Variants in FOXN3 observed in about 807,000 individuals in gnomAD.
The protein encoded by FOXN3 is forkhead box protein N3.
Under a neutral mutation model 38.4 loss-of-function variants are expected in FOXN3, and 7 were observed. The observed-to-expected ratio is 0.18, with a 90% CI of 0.10 to 0.34. The LOEUF (loss-of-function observed/expected upper bound fraction) is 0.34. Ranked by LOEUF, FOXN3 falls within the 10% of genes least tolerant of loss-of-function variation. The probability of loss-of-function intolerance (pLI) is 1.00; values close to 1 mark genes in which losing one functional copy is unlikely to be tolerated. For missense variants in FOXN3, 456 were observed against 613.4 expected (o/e 0.74, Z 2.71); for synonymous variants, 230 against 242.2 (o/e 0.95, Z 0.47).
intron 5 of FOXN3, among the ~76,000 whole-genome samples, chr14:89,170,931 G>A (rs1046411224): frequency 6.6e-5 from 10 of 151,786 alleles, no homozygotes; most frequent in African/African-American, 2.4e-4. Flanking sequence ...AGAAAGGCTT[G>A]AAATAAAAGT....
At chr14:89,170,056 T>C (rs1251982065) in intron 5 of FOXN3, among the ~76,000 whole-genome samples, 7 of 152,234 alleles carry the variant, frequency 4.6e-5, no homozygotes, top group Admixed American at 4.6e-4. Flanking sequence ...AGTTGTGCTA[T>C]GCTGGTATAG....
rs757557763 is a variant in FOXN3, at chr14:89,346,984, C to T, written c.680+3688G>A. Among the ~76,000 whole-genome samples, 15 of 152,138 alleles carry T rather than the reference C, an allele frequency of 9.9e-5. 1 individual carries two copies. The highest frequency in any genetic ancestry group is 9.6e-4 in the East Asian group (5 of 5,194). Reference sequence around the variant, plus strand: ...TTTGGCTACTAGGAGCAACTTCAGGCGAATCCCTTTGACACCCCTGCCCCC... The same window carrying T: ...TTTGGCTACTAGGAGCAACTTCAGGTGAATCCCTTTGACACCCCTGCCCCC... On this transcript the variant is annotated intron_variant, in intron 3 of 5. Transcript: ENST00000557258.
At chr14:89,317,757 G>C (rs562005173) in intron 3 of FOXN3, among the ~76,000 whole-genome samples, 1 of 151,816 alleles carries the variant, frequency 6.6e-6, no homozygotes, top group African/African-American at 2.4e-5. Context: ...GTACCAGTTC[G>C]GGGCCTGTTA....
At chr14:89,287,416 T>TG (rs1284742974) in intron 3 of FOXN3, among the ~76,000 whole-genome samples, 19 of 152,018 alleles carry the variant, frequency 1.2e-4, no homozygotes, top group African/African-American at 3.9e-4. Flanking sequence ...CCTCCCAGAG[T>TG]GCTGGGATTA....
chr14:89,533,170 G>A (rs1894608027), intron 1 of FOXN3, among the ~76,000 whole-genome samples: 1 of 152,226 alleles, frequency 6.6e-6, no homozygotes, highest in Admixed American at 6.5e-5. Flanking sequence ...AAAAATTACT[G>A]TGCTTTGGCT....
intron 1 of FOXN3, among the ~76,000 whole-genome samples, chr14:89,443,660 G>C (rs1031350009): frequency 2.0e-5 from 3 of 152,118 alleles, no homozygotes; most frequent in South Asian, 2.1e-4. Flanking sequence ...CCAAGAAATG[G>C]ACCAATTCAT....
In FOXN3 at chr14:89,157,651, C is replaced by G. The variant is rs965723945; in HGVS notation, c.*4763G>C. On this transcript the variant is annotated 3_prime_UTR_variant, in exon 6 of 6. Coordinates refer to ENST00000557258, the MANE Select transcript of FOXN3 (RefSeq NM_005197.4). The stretch of plus-strand genomic sequence containing the variant: ...TACAGCTTTGTAACTGTGTTAACTG[C>G]AATATAAACCAAGTCCAGAGTTTGG... 29 of 152,538 alleles carry G rather than the reference C, an allele frequency of 1.9e-4. No individual in the cohort carries two copies. Among genetic ancestry groups the G allele is most frequent in the African/African-American group, 7.0e-4 (29 of 41,410 alleles). 9.4% of individuals were successfully genotyped at this position (152,538 alleles called of 1,614,324 possible).
chr14:89,351,038 TACA>T (rs2140008670), intron 2 of FOXN3: 1 of 326,360 alleles, frequency 3.1e-6, no homozygotes, highest in Non-Finnish European at 5.5e-6. Flanking sequence ...GTTATGGTGA[TACA>T]ACAATATTAC....
intron 4 of FOXN3, chr14:89,263,719 C>T (rs778532877): frequency 6.6e-5 from 10 of 152,158 alleles, no homozygotes; most frequent in African/African-American, 9.7e-5. Flanking sequence ...TCCAGCAAAG[C>T]CCTTGTATGT....
rs931816109 is a variant in FOXN3, at chr14:89,305,135, C to G, written c.681-24121G>C. Reference sequence around the variant, plus strand: ...GACGAGAGGAAGGCCTGGCCAGCACCAGGACGGATCACACAGGCCGGGTGC... The same window carrying G: ...GACGAGAGGAAGGCCTGGCCAGCACGAGGACGGATCACACAGGCCGGGTGC... On this transcript the variant is annotated intron_variant, in intron 3 of 5. Coordinates refer to ENST00000557258, the MANE Select transcript of FOXN3 (RefSeq NM_005197.4). Among the ~76,000 whole-genome samples, 4 of 152,128 alleles carry G rather than the reference C, an allele frequency of 2.6e-5. No homozygotes were observed. In the South Asian group the frequency reaches 6.2e-4, roughly 24 times the overall value.
chr14:89,183,891 C>G (rs1887736784), intron 4 of FOXN3: 1 of 152,190 alleles, frequency 6.6e-6, no homozygotes, highest in African/African-American at 2.4e-5. Context: ...ATCGTGTCCC[C>G]TGAGCAAGCT....
At chr14:89,301,996 G>C (rs1887231305) in intron 3 of FOXN3, among the ~76,000 whole-genome samples, 3 of 152,044 alleles carry the variant, frequency 2.0e-5, no homozygotes, top group Admixed American at 2.0e-4. Flanking sequence ...ACTCTCTGCT[G>C]TTCGCAAACT....
At chr14:89,617,268 G>C (rs1397461000) in intron 1 of FOXN3, among the ~76,000 whole-genome samples, 2 of 152,168 alleles carry the variant, frequency 1.3e-5, no homozygotes, top group Non-Finnish European at 2.9e-5. Context: ...ATGTTCATGG[G>C]CTTTACAGTT....
intron 1 of FOXN3, among the ~76,000 whole-genome samples, chr14:89,549,461 A>C (rs1431614484): frequency 6.6e-6 from 1 of 152,096 alleles, no homozygotes; most frequent in Non-Finnish European, 1.5e-5. Context: ...AAACATCCGG[A>C]AAGACGCATC....
chr14:89,584,295 G>C (rs1432354109), intron 1 of FOXN3, among the ~76,000 whole-genome samples: 9 of 152,110 alleles, frequency 5.9e-5, no homozygotes, highest in Non-Finnish European at 1.5e-5. Context: ...CAGCTACTCA[G>C]GAAGCTGAGG....
intron 2 of FOXN3, among the ~76,000 whole-genome samples, chr14:89,384,896 G>C (rs1232984411): frequency 2.0e-5 from 3 of 152,202 alleles, no homozygotes; most frequent in African/African-American, 7.2e-5. Context: ...TAAGGTTGCT[G>C]TACGTGTTGT....
chr14:89,166,184 T>G (rs1434272918), intron 5 of FOXN3, among the ~76,000 whole-genome samples: 1 of 152,120 alleles, frequency 6.6e-6, no homozygotes, highest in Non-Finnish European at 1.5e-5. Flanking sequence ...AAAGCAATGA[T>G]GTTAAACGTG....
At chr14:89,550,109 A>G (rs1054803088) in intron 1 of FOXN3, among the ~76,000 whole-genome samples, 3 of 152,188 alleles carry the variant, frequency 2.0e-5, no homozygotes, top group African/African-American at 4.8e-5. Flanking sequence ...TTACACCTTT[A>G]TCATGCAGCT....
At chr14:89,370,801 G>T (rs78648682) in intron 2 of FOXN3, among the ~76,000 whole-genome samples, 3 of 152,178 alleles carry the variant, frequency 2.0e-5, no homozygotes, top group Admixed American at 6.5e-5. Context: ...TGCATGGCCC[G>T]TAGGGTCCAT....
Sources: gnomAD v4.1 joint callset for allele counts (sites outside exome capture counted in the v4.1 genomes callset) on GRCh38, gnomAD v4.1.1 for gene constraint, MANE v1.5 for transcripts, NCBI Gene and HGNC (gene_info 2026-07-23, HGNC 2026-07-21) for gene names.